The following ARL15 variants were observed in gnomAD, a reference collection of about 807,000 sequenced individuals.
ARL15 encodes ADP-ribosylation factor-like protein 15.
Under a neutral mutation model 25.2 loss-of-function variants are expected in ARL15, and 19 were observed. That is an observed-to-expected ratio of 0.75 (90% CI 0.53 to 1.10). The LOEUF (loss-of-function observed/expected upper bound fraction) is 1.10, where lower values mean the gene tolerates loss of function less well. ARL15 is among the 50% of genes least tolerant of loss of function. The pLI, the probability that ARL15 is intolerant of heterozygous loss-of-function variation, is 0.00. For missense variants in ARL15, 220 were observed against 246.0 expected (o/e 0.89, Z 0.71); for synonymous variants, 94 against 86.8 (o/e 1.08, Z -0.46).
At chr5:54,015,672 C>A (rs255758) in intron 4 of ARL15, among the ~76,000 whole-genome samples, 109,187 of 151,988 alleles carry the variant, frequency 0.72, 39,508 homozygotes, top group East Asian at 0.85. Flanking sequence ...AATAATCTTT[C>A]TTTTATTAAA....
intron 4 of ARL15, among the ~76,000 whole-genome samples, chr5:54,076,294 G>A (rs1478461562): frequency 6.7e-6 from 1 of 149,658 alleles, no homozygotes; most frequent in Non-Finnish European, 1.5e-5. Context: ...GGTGGCAGGC[G>A]CCTGTAGTTC....
At chr5:54,168,835 C>A (rs1256250589) in intron 2 of ARL15, among the ~76,000 whole-genome samples, 1 of 152,136 alleles carries the variant, frequency 6.6e-6, no homozygotes, top group African/African-American at 2.4e-5. Context: ...ATATTTACAC[C>A]ATTAATATAA....
chr5:54,013,223 G>A (rs1027331269), intron 4 of ARL15, among the ~76,000 whole-genome samples: 2 of 152,154 alleles, frequency 1.3e-5, no homozygotes, highest in African/African-American at 4.8e-5. Context: ...AATTTAAGTT[G>A]GTAAGTTTTA....
chr5:54,077,045 T>G (rs77913271), intron 4 of ARL15, among the ~76,000 whole-genome samples: 5,409 of 152,296 alleles, frequency 0.036, 335 homozygotes, highest in African/African-American at 0.13. Flanking sequence ...GATGTTTAGT[T>G]GTGCTTCATC....
rs1346935744 is a variant in ARL15 at position 54,310,565 on chromosome 5, G to T, written c.-86C>A. 1 of 1,438,596 alleles carries T rather than the reference G, an allele frequency of 7.0e-7. No homozygotes were observed. The highest frequency in any genetic ancestry group is 9.5e-7 in the Non-Finnish European group (1 of 1,056,106). 89.1% of individuals were successfully genotyped at this position (1,438,596 alleles called of 1,614,324 possible). A position where few individuals can be genotyped will look rare whatever the true frequency, so the allele number is the denominator to read the frequency against. On this transcript the variant is annotated 5_prime_UTR_variant, in exon 1 of 5. Transcript: ENST00000504924. ...CTGCGAGCGAGCAGCTCCTGAAAAA[G>T]CCAGCAACAGCGAAAATAGCCGAAA...
chr5:54,048,466 G>T (rs1354698981), intron 4 of ARL15, among the ~76,000 whole-genome samples: 2 of 147,710 alleles, frequency 1.4e-5, no homozygotes, highest in African/African-American at 5.0e-5. Context: ...GCAATGGCAC[G>T]ATCTCAGCTC....
chr5:54,140,465 TAG>T (rs769073163), intron 3 of ARL15, among the ~76,000 whole-genome samples: 167 of 139,600 alleles, frequency 1.2e-3, no homozygotes, highest in Non-Finnish European at 2.3e-3. Flanking sequence ...GATAGATAGA[TAG>T]AGATAGAGAT....
intron 1 of ARL15, among the ~76,000 whole-genome samples, chr5:54,237,733 G>A (rs562979108): frequency 5.8e-4 from 89 of 152,204 alleles, no homozygotes; most frequent in Non-Finnish European, 1.0e-3. Context: ...GAAGAAATGC[G>A]GGTGATCCTT....
chr5:53,956,402 G>A (rs1370123515), intron 4 of ARL15, among the ~76,000 whole-genome samples: 1 of 149,280 alleles, frequency 6.7e-6, no homozygotes, highest in Non-Finnish European at 1.5e-5. Context: ...AATATATAAG[G>A]CATGCAAAGA....
chr5:54,070,334 G>T (rs548195844), intron 4 of ARL15, among the ~76,000 whole-genome samples: 56 of 151,984 alleles, frequency 3.7e-4, no homozygotes, highest in African/African-American at 1.3e-3. Context: ...GGAGCTTGCA[G>T]TGAGCCGAGA....
intron 1 of ARL15, among the ~76,000 whole-genome samples, chr5:54,231,200 T>G (rs998870429): frequency 1.3e-5 from 2 of 152,230 alleles, no homozygotes; most frequent in African/African-American, 4.8e-5. Flanking sequence ...TGCTGTTCTC[T>G]AGTTCAGTGA....
chr5:54,054,900 A>G (rs1054617852), intron 4 of ARL15, among the ~76,000 whole-genome samples: 3 of 152,054 alleles, frequency 2.0e-5, no homozygotes, highest in Admixed American at 1.3e-4. Flanking sequence ...CACCGAATCT[A>G]TTTCCAGTCA....
intron 4 of ARL15, among the ~76,000 whole-genome samples, chr5:53,954,686 T>G (rs1318791082): frequency 6.6e-6 from 1 of 152,172 alleles, no homozygotes; most frequent in Non-Finnish European, 1.5e-5. Flanking sequence ...ATATTTTACA[T>G]AAATAGACTC....
chr5:54,231,482 T>C (rs1756669888), intron 1 of ARL15, among the ~76,000 whole-genome samples: 2 of 152,182 alleles, frequency 1.3e-5, no homozygotes, highest in Non-Finnish European at 2.9e-5. Flanking sequence ...TCTTACAACA[T>C]TTTGATGTCT....
At position 53,886,360 on chromosome 5, in the gene ARL15, T is replaced by C. The variant is rs1025655166; in HGVS notation, c.*201A>G. ...AAACAGAGAATAAATTCTCTCTCAG[T>C]AGTGTGTACTTGACGTTAATGCCGA... On this transcript the variant is annotated 3_prime_UTR_variant, in exon 5 of 5. Transcript: ENST00000504924. 2 of 549,590 alleles carry C rather than the reference T, an allele frequency of 3.6e-6. No homozygotes were observed. The highest frequency in any genetic ancestry group is 3.8e-5 in the African/African-American group (2 of 52,696). The allele number at this position is 549,590 out of a possible 1,614,324, so 34.0% of individuals were successfully genotyped here. A position where few individuals can be genotyped will look rare whatever the true frequency, so the allele number is the denominator to read the frequency against.
chr5:54,043,931 C>G (rs1366247385), intron 4 of ARL15, among the ~76,000 whole-genome samples: 1 of 151,556 alleles, frequency 6.6e-6, no homozygotes, highest in South Asian at 2.1e-4. Context: ...GTGGGAGTAT[C>G]GCTTGAACCC....
At chr5:54,037,354 T>C (rs1750201164) in intron 4 of ARL15, among the ~76,000 whole-genome samples, 1 of 152,106 alleles carries the variant, frequency 6.6e-6, no homozygotes, top group Admixed American at 6.5e-5. Context: ...CTTAGAAATA[T>C]GTCCAAGATA....
intron 4 of ARL15, among the ~76,000 whole-genome samples, chr5:53,947,717 C>T (rs1166199388): frequency 2.6e-5 from 4 of 151,986 alleles, no homozygotes; most frequent in Non-Finnish European, 4.4e-5. Context: ...TAATTAGAGA[C>T]GGTTAAAAAG....
intron 4 of ARL15, among the ~76,000 whole-genome samples, chr5:53,910,984 T>C (rs1296784116): frequency 1.3e-5 from 2 of 152,076 alleles, no homozygotes; most frequent in African/African-American, 2.4e-5. Context: ...GTGGACTACA[T>C]AGACAAAATA....
Sources: gnomAD v4.1 joint callset for allele counts (sites outside exome capture counted in the v4.1 genomes callset) on GRCh38, gnomAD v4.1.1 for gene constraint, MANE v1.5 for transcripts, NCBI Gene and HGNC (gene_info 2026-07-23, HGNC 2026-07-21) for gene names.